The following PPP2R2D variants were observed in gnomAD, a reference collection of about 807,000 sequenced individuals.
PPP2R2D encodes the protein protein phosphatase 2 regulatory subunit Bdelta.
In PPP2R2D, 9 loss-of-function variants were observed where a neutral mutation model predicts 31.1. That is an observed-to-expected ratio of 0.29 (90% CI 0.17 to 0.51). The LOEUF (loss-of-function observed/expected upper bound fraction) is 0.51. Ranked by LOEUF, PPP2R2D falls within the 20% of genes least tolerant of loss-of-function variation. The pLI, the probability that PPP2R2D is intolerant of heterozygous loss-of-function variation, is 0.98. For missense variants in PPP2R2D, 391 were observed against 465.6 expected (o/e 0.84, Z 1.48); for synonymous variants, 179 against 172.6 (o/e 1.04, Z -0.29).
chr10:131,908,187 C>G (rs2035628088), intron 2 of PPP2R2D, among the ~76,000 whole-genome samples: 1 of 152,168 alleles, frequency 6.6e-6, no homozygotes, highest in Admixed American at 6.5e-5. Flanking sequence ...GCTTCATGTC[C>G]ATCTACCCAG....
At chr10:131,944,565 GCA>G (rs1403612479) in intron 6 of PPP2R2D, among the ~76,000 whole-genome samples, 1 of 152,132 alleles carries the variant, frequency 6.6e-6, no homozygotes, top group Non-Finnish European at 1.5e-5. Flanking sequence ...CTGTGGCTGT[GCA>G]CAGTCTGGGT....
In PPP2R2D at chr10:131,957,768, GC is replaced by G. The variant is rs2120073137; in HGVS notation, c.*1809del. The stretch of plus-strand genomic sequence containing the variant: ...ATGAAGGGGTGTGCCAATCCCCCGC[GC>G]CCCTGTGGAGATGGAGGCGTGTGCT... On this transcript the variant is annotated 3_prime_UTR_variant, in exon 9 of 9. Transcript: ENST00000455566. 2.5e-5 allele frequency: 3 copies of G among 121,590 alleles called. No homozygotes were observed. The highest frequency in any genetic ancestry group is 7.1e-5 in the African/African-American group (2 of 28,106). 7.5% of individuals were successfully genotyped at this position (121,590 alleles called of 1,614,324 possible).
intron 2 of PPP2R2D, among the ~76,000 whole-genome samples, chr10:131,911,348 A>ATTTTGTT (rs1197480809): frequency 3.6e-4 from 55 of 152,260 alleles, no homozygotes; most frequent in African/African-American, 1.3e-3. Context: ...GAGAAACTGA[A>ATTTTGTT]TTTTGTTTTT....
intron 2 of PPP2R2D, among the ~76,000 whole-genome samples, chr10:131,926,447 CA>C (rs1554894943): frequency 6.6e-6 from 1 of 152,102 alleles, no homozygotes; most frequent in African/African-American, 2.4e-5. Flanking sequence ...GAGGCTGAGG[CA>C]GGAGGATCGC....
intron 2 of PPP2R2D, among the ~76,000 whole-genome samples, chr10:131,921,434 C>T (rs1368482237): frequency 2.6e-5 from 4 of 152,076 alleles, no homozygotes; most frequent in Non-Finnish European, 5.9e-5. Flanking sequence ...AAAAGGCTTC[C>T]CTGAACAAGG....
intron 2 of PPP2R2D, among the ~76,000 whole-genome samples, chr10:131,932,552 G>A (rs1174715703): frequency 1.3e-5 from 2 of 150,092 alleles, no homozygotes; most frequent in Admixed American, 6.7e-5. Flanking sequence ...CTGTAATCCC[G>A]GCGACGCAGG....
At chr10:131,948,098 T>C (rs1454679849) in intron 8 of PPP2R2D, among the ~76,000 whole-genome samples, 2 of 151,972 alleles carry the variant, frequency 1.3e-5, no homozygotes, top group Non-Finnish European at 2.9e-5. Flanking sequence ...TGATAATGAG[T>C]GAAAAGGAAG....
chr10:131,934,399 G>C, intron 2 of PPP2R2D, 59 bp from the exon 3 acceptor site: 2 of 721,918 alleles, frequency 2.8e-6, no homozygotes, highest in South Asian at 3.0e-5. Flanking sequence ...TAATTTTTTG[G>C]TATTGTGACT....
chr10:131,910,913 C>T (rs1191488208), intron 2 of PPP2R2D, among the ~76,000 whole-genome samples: 1 of 152,208 alleles, frequency 6.6e-6, no homozygotes, highest in African/African-American at 2.4e-5. Flanking sequence ...TTGAAGATAG[C>T]TTCCAGATGT....
At chr10:131,908,368 G>A (rs1190281549) in intron 2 of PPP2R2D, among the ~76,000 whole-genome samples, 3 of 152,148 alleles carry the variant, frequency 2.0e-5, no homozygotes, top group African/African-American at 4.8e-5. Context: ...CCCACTTGGC[G>A]AGTCCCTGCT....
intron 2 of PPP2R2D, 122 bp downstream of exon 2, chr10:131,901,452 C>T (rs1482520696): frequency 3.1e-6 from 1 of 322,752 alleles, no homozygotes; most frequent in East Asian, 4.8e-5. Flanking sequence ...CCGGGCGGGG[C>T]AGGGGCCAGG....
At chr10:131,933,753 C>T (rs1245988867) in intron 2 of PPP2R2D, among the ~76,000 whole-genome samples, 3 of 152,030 alleles carry the variant, frequency 2.0e-5, no homozygotes, top group South Asian at 2.1e-4. Flanking sequence ...CTTCCCAACC[C>T]GAAGGGTTAG....
chr10:131,960,778 C>T (rs782053673), downstream of PPP2R2D, among the ~76,000 whole-genome samples: 10 of 152,322 alleles, frequency 6.6e-5, no homozygotes, highest in South Asian at 1.7e-3. Flanking sequence ...TGCTGTGCGT[C>T]CTTGGCCAGC....
intron 2 of PPP2R2D, among the ~76,000 whole-genome samples, chr10:131,909,917 C>G (rs2035656257): frequency 4.6e-5 from 7 of 152,300 alleles, no homozygotes. Context: ...AAAGATTAAG[C>G]AAGAAGAACA....
At position 131,959,783 on chromosome 10, in the gene PPP2R2D, T is replaced by C. The variant is rs1156673981; in HGVS notation, c.*3820T>C. On this transcript the variant is annotated 3_prime_UTR_variant, in exon 9 of 9. Coordinates refer to ENST00000455566, the MANE Select transcript of PPP2R2D (RefSeq NM_018461.5). ...CTAGTAAAATGGGATTGTATATATT[T>C]GTTCAACTATTTTGACCAAAAAGTT... The C allele has an allele frequency of 1.3e-5, 2 of 152,250 alleles. No homozygotes were observed. Among genetic ancestry groups the C allele is most frequent in the South Asian group, 2.1e-4 (1 of 4,832 alleles). The allele number at this position is 152,250 out of a possible 1,614,324, so 9.4% of individuals were successfully genotyped here.
chr10:131,901,914 C>T (rs1423187365), intron 2 of PPP2R2D, among the ~76,000 whole-genome samples: 2 of 152,234 alleles, frequency 1.3e-5, no homozygotes, highest in Admixed American at 6.5e-5. Flanking sequence ...GGTACTGCTA[C>T]TTTCTCTACT....
intron 2 of PPP2R2D, among the ~76,000 whole-genome samples, chr10:131,917,046 A>G (rs1242848610): frequency 1.4e-5 from 2 of 141,248 alleles, no homozygotes; most frequent in Non-Finnish European, 3.1e-5. Context: ...GACACAGTGT[A>G]GGGACCTCAG....
At chr10:131,961,293 A>G (rs1035620275), downstream of PPP2R2D, among the ~76,000 whole-genome samples, 1 of 152,138 alleles carries the variant, frequency 6.6e-6, no homozygotes, top group Non-Finnish European at 1.5e-5. Context: ...GCTTCTCTGC[A>G]CAGGTGGTGT....
chr10:131,965,725 C>T, the PPP2R2D span, among the ~76,000 whole-genome samples: 1 of 152,230 alleles, frequency 6.6e-6, no homozygotes, highest in African/African-American at 2.4e-5. Context: ...GGATTACAGA[C>T]GTGAGCCACA....
Sources: gnomAD v4.1 joint callset for allele counts (sites outside exome capture counted in the v4.1 genomes callset) on GRCh38, gnomAD v4.1.1 for gene constraint, MANE v1.5 for transcripts, NCBI Gene and HGNC (gene_info 2026-07-23, HGNC 2026-07-21) for gene names.